MATR3: variants seen among roughly 807,000 people sequenced by gnomAD.
MATR3 encodes matrin-3.
Under a neutral mutation model 85.5 loss-of-function variants are expected in MATR3, and 4 were observed. The ratio of observed to expected loss-of-function variants is 0.05; its 90% CI spans 0.02 to 0.11. The LOEUF is 0.11. Ranked by LOEUF, MATR3 falls within the 10% of genes least tolerant of loss-of-function variation. The pLI, the probability that MATR3 is intolerant of heterozygous loss-of-function variation, is 1.00. For missense variants in MATR3, 685 were observed against 1,016.1 expected, an observed-to-expected ratio of 0.67 and a Z score of 4.43; for synonymous variants, 336 against 343.1, an observed-to-expected ratio of 0.98 and a Z score of 0.23.
At chr5:139,278,419 CT>C (rs2151859325) in intron 2 of MATR3, 1 of 449,824 alleles carries the variant, frequency 2.2e-6, no homozygotes, top group South Asian at 1.6e-5. Flanking sequence ...GTAAATATCC[CT>C]ATTCATTCCA....
chr5:139,275,872 A>C (rs1341084695), intron 1 of MATR3, among the ~76,000 whole-genome samples: 1 of 152,192 alleles, frequency 6.6e-6, no homozygotes, highest in Admixed American at 6.5e-5. Flanking sequence ...TCATTTGGCT[A>C]GACACTGGTT....
rs750857923 is a variant in MATR3, at chr5:139,314,659, AT to A, written c.913-13del. ...AGCTTTATTTTTGTTAATTCTACTA[AT>A]TTACTTTGCTGCAGGAGTGGAGTCA... On this transcript the variant is annotated splice_polypyrimidine_tract_variant and intron_variant, in intron 2 of 14. Coordinates refer to ENST00000394805, the MANE Select transcript of MATR3 (RefSeq NM_018834.6). The A allele has an allele frequency of 5.1e-6, 8 of 1,566,474 alleles. No homozygotes were observed. Among genetic ancestry groups the A allele is most frequent in the Non-Finnish European group, 7.0e-6 (8 of 1,139,432 alleles).
At chr5:139,313,805 T>A (rs1755114909) in intron 2 of MATR3, 1 of 152,246 alleles carries the variant, frequency 6.6e-6, no homozygotes, top group Non-Finnish European at 1.5e-5. Context: ...TAGCATTTTA[T>A]GGTAATGCTA....
At chr5:139,325,227 T>C (rs1026388249) in intron 12 of MATR3, 49 of 1,529,648 alleles carry the variant, frequency 3.2e-5, no homozygotes, top group Middle Eastern at 1.7e-4. Context: ...TCCGTTTCCC[T>C]TCAAGTAAAG....
At chr5:139,302,450 TTA>T (rs1018026224) in intron 1 of MATR3, among the ~76,000 whole-genome samples, 1 of 151,986 alleles carries the variant, frequency 6.6e-6, no homozygotes, top group Non-Finnish European at 1.5e-5. Context: ...TTAGGAAATA[TTA>T]TATACACCAT....
chr5:139,322,308 C>G (rs1253754508), intron 10 of MATR3, among the ~76,000 whole-genome samples, 155 bp from the exon 11 acceptor site: 1 of 152,154 alleles, frequency 6.6e-6, no homozygotes, highest in African/African-American at 2.4e-5. Flanking sequence ...TTGGTATGGT[C>G]ATGATGAATG....
intron 10 of MATR3, 40 bp from the exon 11 acceptor site, chr5:139,322,423 C>G: frequency 6.5e-7 from 1 of 1,548,354 alleles, no homozygotes; most frequent in Non-Finnish European, 8.9e-7. Context: ...ATTGTGTATT[C>G]TGCAAATGTG....
chr5:139,287,004 G>GTATA (rs1753728417), intron 3 of MATR3, among the ~76,000 whole-genome samples: 1 of 152,142 alleles, frequency 6.6e-6, no homozygotes, highest in South Asian at 2.1e-4. Flanking sequence ...CAAGTGCCTA[G>GTATA]TATACAATAG....
At chr5:139,322,345 A>AT in intron 10 of MATR3, 118 bp from the exon 11 acceptor site, 1 of 968,462 alleles carries the variant, frequency 1.0e-6, no homozygotes, top group Middle Eastern at 2.4e-4. Flanking sequence ...GTTCTCAAAT[A>AT]AGGTTACGGG....
chr5:139,298,625 T>C (rs1196416944), intron 1 of MATR3, among the ~76,000 whole-genome samples: 1 of 152,178 alleles, frequency 6.6e-6, no homozygotes, highest in East Asian at 1.9e-4. Context: ...TAGAAAAATC[T>C]AATGGATAAT....
upstream of MATR3, among the ~76,000 whole-genome samples, chr5:139,291,191 C>T (rs1429168908): frequency 6.6e-6 from 1 of 152,230 alleles, no homozygotes. Context: ...ACATTCTGAT[C>T]CCTCTGCCTG....
chr5:139,289,499 CTCTCAACAGAAGACTT>C (rs1753807249), upstream of MATR3, among the ~76,000 whole-genome samples: 1 of 152,222 alleles, frequency 6.6e-6, no homozygotes, highest in Non-Finnish European at 1.5e-5. Context: ...GCAGCTCCAG[CTCTCAACAGAAGACTT>C]TCTCACAGAG....
At chr5:139,324,785 T>C (rs1282180133) in intron 12 of MATR3, among the ~76,000 whole-genome samples, 1 of 152,226 alleles carries the variant, frequency 6.6e-6, no homozygotes, top group African/African-American at 2.4e-5. Flanking sequence ...TTCTGCTCTT[T>C]GTGTGAGGCA....
chr5:139,292,067 C>T (rs186481090), upstream of MATR3: 587 of 150,754 alleles, frequency 3.9e-3, 1 homozygote, highest in Non-Finnish European at 6.4e-3. Flanking sequence ...CCCCGTCCTC[C>T]GTACCAGGTG....
Position 139,322,812 on chromosome 5 carries a change from G to A in MATR3, c.1993G>A (p.Ala665Thr). Residue 665 changes from alanine (A) to threonine (T), a missense_variant, in exon 12 of 15, where the codon GCA (alanine) becomes ACA (threonine). Physicochemically the swap from Ala to Thr is moderately conservative, Grantham distance 58. This residue lies in a region of MATR3 where 215 missense variants were observed against 194.7 expected (regional missense o/e 1.10). Transcript: ENST00000394805. ...TGAGCTACTTGTAGATGAAGAAGAA[G>A]CAGCAGCACTGCTAGAAAGTGGCAG... ...EDELLVDEEE[A>T]AALLESGSSV... 2.5e-6 allele frequency: 4 copies of A among 1,614,206 alleles called. No homozygotes were observed. Among genetic ancestry groups the A allele is most frequent in the Non-Finnish European group, 3.4e-6 (4 of 1,180,030 alleles).
chr5:139,284,018 G>A (rs1197550157), intron 3 of MATR3, among the ~76,000 whole-genome samples: 1 of 152,138 alleles, frequency 6.6e-6, no homozygotes, highest in Non-Finnish European at 1.5e-5. Flanking sequence ...GCCATGTTGT[G>A]TCTTGAAATG....
intron 1 of MATR3, among the ~76,000 whole-genome samples, chr5:139,301,925 G>A (rs1754466402): frequency 6.6e-6 from 1 of 152,112 alleles, no homozygotes; most frequent in African/African-American, 2.4e-5. Context: ...AGCAGCTGAC[G>A]CCACTCTGCA....
intron 7 of MATR3, among the ~76,000 whole-genome samples, chr5:139,318,154 GTCGGAGTCTCGC>G (rs1224916573): frequency 6.6e-6 from 1 of 152,178 alleles, no homozygotes; most frequent in Non-Finnish European, 1.5e-5. Context: ...TGTTTTGGGA[GTCGGAGTCTCGC>G]TCTGTCACCC....
At chr5:139,323,794 G>A (rs944106843) in intron 12 of MATR3, among the ~76,000 whole-genome samples, 1 of 152,094 alleles carries the variant, frequency 6.6e-6, no homozygotes, top group African/African-American at 2.4e-5. Flanking sequence ...GGAAGGCTGA[G>A]ACAGGAGAAT....
Sources: gnomAD v4.1 joint callset for allele counts (sites outside exome capture counted in the v4.1 genomes callset) on GRCh38, gnomAD v4.1.1 for gene constraint, gnomAD v4.1.1 regional missense constraint, MANE v1.5 for transcripts, NCBI Gene and HGNC (gene_info 2026-07-23, HGNC 2026-07-21) for gene names.